The following NDUFAF2 variants were observed in gnomAD, a reference collection of about 807,000 sequenced individuals.
NDUFAF2 encodes NADH:ubiquinone oxidoreductase complex assembly factor 2.
In NDUFAF2, 13 loss-of-function variants were observed where a neutral mutation model predicts 22.8. The ratio of observed to expected loss-of-function variants is 0.57; its 90% confidence interval spans 0.37 to 0.91. The LOEUF is 0.91. Among genes scored for constraint, NDUFAF2 ranks in the 40% least tolerant of loss-of-function variants. The pLI is 0.01. For synonymous variants in NDUFAF2, 53 were observed against 64.2 expected (o/e 0.83, Z 0.84); for missense variants, 162 against 195.2 (o/e 0.83, Z 1.01).
At chr5:61,112,416 G>C (rs1211491311) in intron 3 of NDUFAF2, among the ~76,000 whole-genome samples, 1 of 151,966 alleles carries the variant, frequency 6.6e-6, no homozygotes, top group Admixed American at 6.6e-5. Flanking sequence ...GTTTCACCAT[G>C]TTGGCCGGGA....
chr5:61,051,340 T>A (rs1246331099), intron 1 of NDUFAF2, among the ~76,000 whole-genome samples: 7 of 152,206 alleles, frequency 4.6e-5, no homozygotes, highest in Admixed American at 4.6e-4. Context: ...CGCTCTCTAT[T>A]GCAGTCAATC....
chr5:61,110,411 C>A (rs1561568102), intron 3 of NDUFAF2, among the ~76,000 whole-genome samples: 1 of 151,872 alleles, frequency 6.6e-6, no homozygotes, highest in African/African-American at 2.4e-5. Context: ...AATATGAATT[C>A]TTCTTAAAAC....
At chr5:61,115,455 G>A (rs78579471) in intron 3 of NDUFAF2, 19,988 of 152,312 alleles carry the variant, frequency 0.13, 1,493 homozygotes, top group African/African-American at 0.2. Context: ...TTATGAAGGT[G>A]CTTTTTTGGT....
At chr5:61,049,886 T>C (rs903134261) in intron 1 of NDUFAF2, among the ~76,000 whole-genome samples, 20 of 144,428 alleles carry the variant, frequency 1.4e-4, no homozygotes, top group East Asian at 8.2e-4. Flanking sequence ...ATTTAAATTA[T>C]ACACACACAC....
chr5:61,139,394 C>T (rs749758558), intron 3 of NDUFAF2, among the ~76,000 whole-genome samples: 6 of 152,254 alleles, frequency 3.9e-5, no homozygotes, highest in African/African-American at 1.4e-4. Flanking sequence ...GAAGGCATGT[C>T]GCTTTTGCAC....
chr5:61,007,845 A>T (rs562015845), intron 1 of NDUFAF2, among the ~76,000 whole-genome samples: 25 of 152,272 alleles, frequency 1.6e-4, no homozygotes, highest in Admixed American at 1.2e-3. Context: ...ATAAAGACAC[A>T]TGCACACGTA....
chr5:60,994,084 A>G (rs1272009765), intron 1 of NDUFAF2, among the ~76,000 whole-genome samples: 3 of 152,194 alleles, frequency 2.0e-5, no homozygotes, highest in Non-Finnish European at 4.4e-5. Flanking sequence ...TTGGTGCCCA[A>G]AATCCAGAGG....
chr5:61,136,041 A>ATATATATATATATATC (rs1561136719), intron 3 of NDUFAF2, among the ~76,000 whole-genome samples: 1 of 108,738 alleles, frequency 9.2e-6, no homozygotes, highest in Admixed American at 9.4e-5. Context: ...ATATATATAT[A>ATATATATATATATATC]TCTAGGGTGG....
At chr5:61,111,644 A>C (rs756898554) in intron 3 of NDUFAF2, among the ~76,000 whole-genome samples, 20 of 151,066 alleles carry the variant, frequency 1.3e-4, no homozygotes, top group African/African-American at 4.6e-4. Context: ...TTTGAGACAG[A>C]GTCTCACTCT....
chr5:61,084,756 G>A (rs529511695), intron 2 of NDUFAF2, among the ~76,000 whole-genome samples: 2 of 152,036 alleles, frequency 1.3e-5, no homozygotes, highest in African/African-American at 2.4e-5. Context: ...TCCCCCTTTT[G>A]ATTATTGTGA....
rs150004012 is a variant in NDUFAF2, at chr5:61,147,189, A to C, written c.259-5515A>C. ...TATCTCAGTTGTGTTGTCTTCCTTT[A>C]AAAAATACTGAGTTTTGTTCTGGAG... On this transcript the variant is annotated intron_variant, in intron 3 of 3. Coordinates refer to ENST00000296597, the MANE Select transcript of NDUFAF2 (RefSeq NM_174889.5). Among the ~76,000 whole-genome samples, 280 of 152,074 alleles carry C rather than the reference A, an allele frequency of 1.8e-3. 3 individuals are homozygous for C. Among genetic ancestry groups the C allele is most frequent in the African/African-American group, 6.6e-3 (272 of 41,492 alleles).
At chr5:60,976,706 T>G (rs570786932) in intron 1 of NDUFAF2, among the ~76,000 whole-genome samples, 1 of 152,314 alleles carries the variant, frequency 6.6e-6, no homozygotes, top group East Asian at 1.9e-4. Flanking sequence ...TCATGTTTCT[T>G]TTTAGTATGT....
chr5:60,961,544 G>T (rs1458133735), intron 1 of NDUFAF2, among the ~76,000 whole-genome samples: 2 of 148,666 alleles, frequency 1.3e-5, no homozygotes, highest in Non-Finnish European at 3.0e-5. Flanking sequence ...GCAGTGAGCC[G>T]AGATTGTGCC....
intron 1 of NDUFAF2, among the ~76,000 whole-genome samples, chr5:60,954,266 G>A (rs745479215): frequency 5.9e-5 from 9 of 152,060 alleles, no homozygotes; most frequent in African/African-American, 1.2e-4. Context: ...GACCAAACAT[G>A]GTCAAATTTT....
At chr5:61,057,875 G>C (rs1008212000) in intron 1 of NDUFAF2, among the ~76,000 whole-genome samples, 1 of 152,110 alleles carries the variant, frequency 6.6e-6, no homozygotes, top group African/African-American at 2.4e-5. Flanking sequence ...CTATTTATTA[G>C]TGATCAGTGG....
At chr5:61,041,404 G>T (rs1164372539) in intron 1 of NDUFAF2, among the ~76,000 whole-genome samples, 1 of 152,004 alleles carries the variant, frequency 6.6e-6, no homozygotes, top group Non-Finnish European at 1.5e-5. Flanking sequence ...GTTGTAGGTT[G>T]TTTTTTCACC....
intron 1 of NDUFAF2, among the ~76,000 whole-genome samples, chr5:61,010,119 T>C (rs2112597060): frequency 6.6e-6 from 1 of 152,234 alleles, no homozygotes; most frequent in African/African-American, 2.4e-5. Flanking sequence ...CACTTTCTCC[T>C]GAACTATAAC....
At chr5:61,134,154 A>T (rs1753146021) in intron 3 of NDUFAF2, among the ~76,000 whole-genome samples, 2 of 152,172 alleles carry the variant, frequency 1.3e-5, no homozygotes, top group South Asian at 4.1e-4. Flanking sequence ...ATTGTCAAGT[A>T]AAAAAAGTAA....
intron 3 of NDUFAF2, among the ~76,000 whole-genome samples, chr5:61,150,935 C>T (rs901663593): frequency 6.6e-6 from 1 of 152,134 alleles, no homozygotes; most frequent in African/African-American, 2.4e-5. Context: ...TCTACTCTCA[C>T]CCTCACTTGG....
Sources: gnomAD v4.1 joint callset for allele counts (sites outside exome capture counted in the v4.1 genomes callset) on GRCh38, gnomAD v4.1.1 for gene constraint, MANE v1.5 for transcripts, NCBI Gene and HGNC (gene_info 2026-07-23, HGNC 2026-07-21) for gene names.